SH3GL1: variants seen among roughly 807,000 people sequenced by gnomAD.
The protein encoded by SH3GL1 is SH3 domain containing GRB2 like 1, endophilin A2.
In SH3GL1, 21 loss-of-function variants were observed where a neutral mutation model predicts 48.8. The observed-to-expected ratio is 0.43, with a 90% CI of 0.30 to 0.62. SH3GL1 has a LOEUF of 0.62. Ranked by LOEUF, SH3GL1 falls within the 20% of genes least tolerant of loss-of-function variation. The pLI is 0.11. For missense variants in SH3GL1, 454 were observed against 503.0 expected (o/e 0.90, Z 0.93); for synonymous variants, 282 against 217.5 (o/e 1.30, Z -2.61).
At chr19:4,365,387 G>C in intron 4 of SH3GL1, 95 bp downstream of exon 4, 1 of 1,527,080 alleles carries the variant, frequency 6.5e-7, no homozygotes, top group East Asian at 2.3e-5. Flanking sequence ...GTACGTCCCC[G>C]GCACTCAGCA....
chr19:4,361,835 G>T, intron 9 of SH3GL1, 39 bp from the exon 10 acceptor site: 4 of 1,404,570 alleles, frequency 2.8e-6, no homozygotes, highest in Non-Finnish European at 4.0e-6. Flanking sequence ...GGGCTGCTAC[G>T]CCTCACCCCG....
rs554343898 is a variant in SH3GL1, at chr19:4,361,428, C to A, written c.*172G>T. 2 of 597,990 alleles carry A rather than the reference C, an allele frequency of 3.3e-6. No individual in the cohort carries two copies. The highest frequency in any genetic ancestry group is 3.0e-5 in the Admixed American group (1 of 33,662). The allele number at this position is 597,990 out of a possible 1,614,324, so 37.0% of individuals were successfully genotyped here. The stretch of plus-strand genomic sequence containing the variant: ...GGCATCCCCACCCACCCAGATAAGC[C>A]CCCCCACCCAAGTGTGGGGTCCTGC... On this transcript the variant is annotated 3_prime_UTR_variant, in exon 10 of 10. Coordinates refer to ENST00000269886, the MANE Select transcript of SH3GL1 (RefSeq NM_003025.4).
chr19:4,366,469 G>C, intron 3 of SH3GL1, 32 bp downstream of exon 3: 3 of 1,552,962 alleles, frequency 1.9e-6, no homozygotes, highest in Non-Finnish European at 2.7e-6. Context: ...AGAGGGCCTG[G>C]GGCAGGCCCT....
chr19:4,393,180 G>GCTTC (rs1973367386), intron 1 of SH3GL1, among the ~76,000 whole-genome samples: 1 of 152,052 alleles, frequency 6.6e-6, no homozygotes, highest in African/African-American at 2.4e-5. Flanking sequence ...AGAATTGCTT[G>GCTTC]AACCCAGGAG....
intron 1 of SH3GL1, among the ~76,000 whole-genome samples, chr19:4,399,506 A>C (rs2144936619): frequency 6.6e-6 from 1 of 152,092 alleles, no homozygotes; most frequent in South Asian, 2.1e-4. Context: ...GACTGATTCT[A>C]AGGGGACACA....
chr19:4,373,590 G>T (rs1225468592), intron 1 of SH3GL1, among the ~76,000 whole-genome samples: 2 of 152,204 alleles, frequency 1.3e-5, no homozygotes. Context: ...CTCTGTGGCG[G>T]GTCAGGCGCT....
At chr19:4,373,566 A>G (rs1045192504) in intron 1 of SH3GL1, among the ~76,000 whole-genome samples, 3 of 152,368 alleles carry the variant, frequency 2.0e-5, no homozygotes, top group Admixed American at 2.0e-4. Flanking sequence ...ACCCGGGGAC[A>G]GCCACAGACC....
In SH3GL1 at chr19:4,376,546, C is replaced by T. The variant is rs1416489138; in HGVS notation, c.46-9552G>A. 2.0e-5 allele frequency among the ~76,000 whole-genome samples: 3 copies of T among 152,090 alleles called. No individual in the cohort carries two copies. The highest frequency in any genetic ancestry group is 4.4e-5 in the Non-Finnish European group (3 of 67,992). ...CTGATTGATCCCCATCACTGGTCTC[C>T]TCACCTTCTCCCAACACACCACTGA... On this transcript the variant is annotated intron_variant, in intron 1 of 9. Transcript: ENST00000269886. The surrounding 1 kb of genome is among the most constrained non-coding windows in gnomAD (Gnocchi z 4.3).
At chr19:4,374,425 T>A (rs1458040748) in intron 1 of SH3GL1, among the ~76,000 whole-genome samples, 1 of 152,212 alleles carries the variant, frequency 6.6e-6, no homozygotes, top group Non-Finnish European at 1.5e-5. Flanking sequence ...GGACCTCTCC[T>A]GTGCTGACAG....
chr19:4,368,079 C>T (rs763734781), intron 1 of SH3GL1, among the ~76,000 whole-genome samples: 5 of 152,234 alleles, frequency 3.3e-5, no homozygotes, highest in Non-Finnish European at 7.3e-5. Context: ...TTTAACATCC[C>T]GGGTCTGATC....
At chr19:4,362,513 C>T in intron 8 of SH3GL1, 99 bp downstream of exon 8, 1 of 1,585,648 alleles carries the variant, frequency 6.3e-7, no homozygotes, top group Non-Finnish European at 8.6e-7. Context: ...GAGAGCTGCA[C>T]CCAGGAGTCT....
Position 4,364,283 on chromosome 19 carries a change from C to T in SH3GL1, c.332-62G>A. 3.8e-6 allele frequency: 6 copies of T among 1,593,602 alleles called. No individual in the cohort carries two copies. In the South Asian group the frequency reaches 6.6e-5, roughly 18 times the overall value. On this transcript the variant is annotated intron_variant, in intron 4 of 9. Transcript: ENST00000269886. ...CCTGGGACCACTAGACTGAGACACT[C>T]CTCAGCCTTTGTTTTTGAAATAGCG...
intron 1 of SH3GL1, chr19:4,395,940 C>T (rs1973417590): frequency 6.6e-6 from 1 of 151,816 alleles, no homozygotes; most frequent in East Asian, 1.9e-4. Context: ...ACAGTTGTCA[C>T]AATATGTATA....
intron 1 of SH3GL1, among the ~76,000 whole-genome samples, chr19:4,381,149 CCCTG>C (rs1973115636): frequency 7.7e-6 from 1 of 129,664 alleles, no homozygotes. Flanking sequence ...CTCTCTGTTC[CCCTG>C]CCTCTGTCTC....
intron 3 of SH3GL1, among the ~76,000 whole-genome samples, 158 bp from the exon 4 acceptor site, chr19:4,365,783 C>T (rs1327706339): frequency 6.6e-6 from 1 of 152,232 alleles, no homozygotes; most frequent in East Asian, 1.9e-4. Flanking sequence ...GGTCCCTTCC[C>T]TGCTCCTGCT....
intron 1 of SH3GL1, among the ~76,000 whole-genome samples, chr19:4,397,611 G>A (rs1001898247): frequency 6.6e-6 from 1 of 152,168 alleles, no homozygotes; most frequent in Admixed American, 6.5e-5. Flanking sequence ...CTGCTAGGGA[G>A]CAGTACTCTA....
chr19:4,365,896 C>T (rs1253733854), intron 3 of SH3GL1, among the ~76,000 whole-genome samples: 1 of 152,186 alleles, frequency 6.6e-6, no homozygotes, highest in Non-Finnish European at 1.5e-5. Flanking sequence ...GGCTATGACC[C>T]CTCATCTGGG....
intron 1 of SH3GL1, among the ~76,000 whole-genome samples, chr19:4,397,436 C>T (rs533872425): frequency 1.3e-5 from 2 of 152,314 alleles, no homozygotes; most frequent in South Asian, 4.1e-4. Flanking sequence ...TCCTGGTGGC[C>T]GGCACAAGAG....
chr19:4,360,947 TCTCTGTCCTCAGGCAGATCCCAGCTGGC>T lies in SH3GL1; in HGVS notation c.*625_*652del, dbSNP rs1488272947. The T allele has an allele frequency of 4.7e-5, 11 of 233,208 alleles. No homozygotes were observed. Among genetic ancestry groups the T allele is most frequent in the Non-Finnish European group, 5.9e-5 (7 of 118,140 alleles). 14.4% of individuals were successfully genotyped at this position (233,208 alleles called of 1,614,324 possible). A position where few individuals can be genotyped will look rare whatever the true frequency, so the allele number is the denominator to read the frequency against. On this transcript the variant is annotated 3_prime_UTR_variant, in exon 10 of 10. Coordinates refer to ENST00000269886, the MANE Select transcript of SH3GL1 (RefSeq NM_003025.4). The stretch of plus-strand genomic sequence containing the variant: ...GGCAGGGCCCTGCAGGAGACCATGT[TCTCTGTCCTCAGGCAGATCCCAGCTGGC>T]CTCTGTCCCCGGGCTGCAAGCTGAC...
Sources: gnomAD v4.1 joint callset for allele counts (sites outside exome capture counted in the v4.1 genomes callset) on GRCh38, gnomAD v4.1.1 for gene constraint, Gnocchi (gnomAD v3.1) non-coding constraint, MANE v1.5 for transcripts, NCBI Gene and HGNC (gene_info 2026-07-23, HGNC 2026-07-21) for gene names.